The following CSMD1 variants were observed in gnomAD, a reference collection of about 807,000 sequenced individuals.
CSMD1 encodes the protein CUB and sushi domain-containing protein 1.
Under a neutral mutation model 417.5 loss-of-function variants are expected in CSMD1, and 213 were observed. The ratio of observed to expected loss-of-function variants is 0.51; its 90% CI spans 0.46 to 0.57. The LOEUF is 0.57. Ranked by LOEUF, CSMD1 falls within the 20% of genes least tolerant of loss-of-function variation. The probability of loss-of-function intolerance (pLI) is 0.00; values close to 1 mark genes in which losing one functional copy is unlikely to be tolerated. For missense variants in CSMD1, 6,923 were observed against 4,529.7 expected, an observed-to-expected ratio of 1.53 and a Z score of -15.17; for synonymous variants, 2,862 against 1,736.8, an observed-to-expected ratio of 1.65 and a Z score of -16.11.
intron 3 of CSMD1, among the ~76,000 whole-genome samples, chr8:4,162,717 T>A (rs13260739): frequency 0.39 from 59,019 of 151,774 alleles, 11,672 homozygotes; most frequent in Middle Eastern, 0.5. Context: ...AGTGGTGCAT[T>A]TGTTCCAATC....
chr8:3,773,270 T>G (rs147848142), intron 5 of CSMD1, among the ~76,000 whole-genome samples: 85 of 152,150 alleles, frequency 5.6e-4, no homozygotes, highest in African/African-American at 1.1e-3. Flanking sequence ...CATGCATAAT[T>G]TGGGGATATA....
chr8:3,273,108 C>G (rs1221505401), intron 26 of CSMD1, among the ~76,000 whole-genome samples: 1 of 151,972 alleles, frequency 6.6e-6, no homozygotes, highest in Non-Finnish European at 1.5e-5. Context: ...TACGTCCCAT[C>G]AATACCTTAT....
chr8:4,469,761 T>C (rs1800415599), intron 2 of CSMD1, among the ~76,000 whole-genome samples: 1 of 152,110 alleles, frequency 6.6e-6, no homozygotes, highest in Non-Finnish European at 1.5e-5. Flanking sequence ...AAGGAGCCCT[T>C]GGAATATGCC....
intron 2 of CSMD1, among the ~76,000 whole-genome samples, chr8:4,559,046 G>A (rs1294408162): frequency 6.6e-6 from 1 of 152,064 alleles, no homozygotes; most frequent in East Asian, 1.9e-4. Context: ...CCCCTTTGGA[G>A]CCCTCATCTT....
chr8:3,688,950 T>C (rs933651604), intron 7 of CSMD1, among the ~76,000 whole-genome samples: 1 of 152,160 alleles, frequency 6.6e-6, no homozygotes, highest in Non-Finnish European at 1.5e-5. Context: ...ATTAAATGAA[T>C]GAAATATTAT....
At chr8:3,732,002 T>C (rs910395617) in intron 6 of CSMD1, among the ~76,000 whole-genome samples, 5 of 152,014 alleles carry the variant, frequency 3.3e-5, no homozygotes, top group African/African-American at 9.7e-5. Context: ...AGCAGCAACA[T>C]TGTAAGAAGA....
At chr8:3,052,782 T>TG in intron 49 of CSMD1, 135 bp from the exon 50 acceptor site, 1 of 409,972 alleles carries the variant, frequency 2.4e-6, no homozygotes, top group Non-Finnish European at 3.7e-6. Flanking sequence ...TTTTTTTTTC[T>TG]TTCTTTTTTT....
chr8:4,220,990 T>C (rs1363808263), intron 3 of CSMD1, among the ~76,000 whole-genome samples: 2 of 152,282 alleles, frequency 1.3e-5, no homozygotes, highest in South Asian at 2.1e-4. Flanking sequence ...TGGGGTGCTC[T>C]CCTCTGCCAT....
chr8:4,588,957 A>G (rs1393087238), intron 2 of CSMD1, among the ~76,000 whole-genome samples: 3 of 152,182 alleles, frequency 2.0e-5, no homozygotes, highest in Non-Finnish European at 4.4e-5. Context: ...TAAGTATAGT[A>G]GAGCCAAGTA....
intron 5 of CSMD1, among the ~76,000 whole-genome samples, chr8:3,777,984 C>G (rs1244517750): frequency 6.6e-6 from 1 of 152,206 alleles, no homozygotes; most frequent in Non-Finnish European, 1.5e-5. Flanking sequence ...AGTGCAGAGT[C>G]TCAGTACCCA....
At chr8:4,808,220 G>A (rs983566148) in intron 1 of CSMD1, among the ~76,000 whole-genome samples, 3 of 152,180 alleles carry the variant, frequency 2.0e-5, no homozygotes, top group Non-Finnish European at 4.4e-5. Context: ...GGTCAGCAGC[G>A]GTATAGGGTT....
At chr8:4,615,635 T>C (rs574677132) in intron 2 of CSMD1, among the ~76,000 whole-genome samples, 1 of 152,282 alleles carries the variant, frequency 6.6e-6, no homozygotes, top group South Asian at 2.1e-4. Flanking sequence ...TCTTAAATAA[T>C]AAATATATTT....
At chr8:4,115,414 G>A (rs1258563075) in intron 3 of CSMD1, among the ~76,000 whole-genome samples, 2 of 152,132 alleles carry the variant, frequency 1.3e-5, no homozygotes, top group Admixed American at 6.5e-5. Context: ...ATATTCCTAT[G>A]ATTCATTTTA....
intron 6 of CSMD1, among the ~76,000 whole-genome samples, chr8:3,738,058 A>G (rs1176386144): frequency 6.6e-6 from 1 of 152,228 alleles, no homozygotes; most frequent in African/African-American, 2.4e-5. Flanking sequence ...AGTTTCAAAC[A>G]CTAATGTAAA....
intron 10 of CSMD1, among the ~76,000 whole-genome samples, chr8:3,558,391 C>G (rs1320676763): frequency 6.9e-6 from 1 of 144,226 alleles, no homozygotes; most frequent in East Asian, 2.0e-4. Context: ...TACCCCGTGT[C>G]CACTTCTCCA....
intron 1 of CSMD1, among the ~76,000 whole-genome samples, chr8:4,659,775 G>A (rs145631483): frequency 0.012 from 1,796 of 152,142 alleles, 16 homozygotes; most frequent in Non-Finnish European, 0.018. Context: ...TCCTGAGAAT[G>A]CTTAATTTAT....
chr8:4,288,788 G>C (rs80147281), intron 3 of CSMD1, among the ~76,000 whole-genome samples: 1 of 152,148 alleles, frequency 6.6e-6, no homozygotes, highest in Non-Finnish European at 1.5e-5. Flanking sequence ...TCAGGTCTAC[G>C]TAGCAGCCAA....
chr8:4,747,339 G>C (rs868727319), intron 1 of CSMD1, among the ~76,000 whole-genome samples: 38 of 152,248 alleles, frequency 2.5e-4, no homozygotes, highest in Non-Finnish European at 7.4e-5. Context: ...TGAAGAATTT[G>C]CTATATGATA....
intron 1 of CSMD1, among the ~76,000 whole-genome samples, chr8:4,645,154 T>G (rs767866175): frequency 6.6e-6 from 1 of 152,154 alleles, no homozygotes; most frequent in Non-Finnish European, 1.5e-5. Context: ...AAGCTAATTT[T>G]TCTCCTACAT....
Sources: allele counts gnomAD v4.1 joint callset (sites outside exome capture counted in the v4.1 genomes callset), GRCh38; gene constraint gnomAD v4.1.1; transcripts MANE v1.5; gene names NCBI Gene and HGNC (gene_info 2026-07-23, HGNC 2026-07-21).